Variants in IQCM observed in about 807,000 individuals in gnomAD.
The protein encoded by IQCM is IQ motif containing M, also known as IQ domain-containing protein M.
IQCM carries 45 observed loss-of-function variants against 57.6 expected under a neutral mutation model. The observed-to-expected ratio is 0.78, with a 90% confidence interval of 0.62 to 1.00. The LOEUF (loss-of-function observed/expected upper bound fraction) is 1.00. Ranked by LOEUF, IQCM falls within the 50% of genes least tolerant of loss-of-function variation. The probability of loss-of-function intolerance (pLI) is 0.00; values close to 1 mark genes in which losing one functional copy is unlikely to be tolerated. For synonymous variants in IQCM, 148 were observed against 158.9 expected (o/e 0.93, Z 0.51); for missense variants, 468 against 511.6 (o/e 0.91, Z 0.82).
chr4:149,556,307 T>C (rs2149916640), intron 10 of IQCM, among the ~76,000 whole-genome samples: 1 of 152,230 alleles, frequency 6.6e-6, no homozygotes, highest in East Asian at 1.9e-4. Context: ...TGTCTTTTTT[T>C]TTTTTCTTAA....
intron 5 of IQCM, among the ~76,000 whole-genome samples, chr4:149,718,774 T>G (rs1765205352): frequency 6.6e-6 from 1 of 152,190 alleles, no homozygotes; most frequent in Admixed American, 6.5e-5. Flanking sequence ...ACATGAATCC[T>G]GCCTCCATGG....
intron 2 of IQCM, among the ~76,000 whole-genome samples, chr4:149,774,435 A>C (rs983754974): frequency 6.6e-6 from 1 of 152,138 alleles, no homozygotes; most frequent in African/African-American, 2.4e-5. Flanking sequence ...AACAATATTC[A>C]CATGTTCCTC....
chr4:149,452,471 T>C (rs182872857), intron 12 of IQCM, among the ~76,000 whole-genome samples: 20 of 151,550 alleles, frequency 1.3e-4, no homozygotes, highest in Middle Eastern at 3.4e-3. Context: ...CAATATGATA[T>C]TCATGTAAAG....
chr4:149,395,224 G>A (rs571196825), intron 13 of IQCM, among the ~76,000 whole-genome samples: 1 of 152,176 alleles, frequency 6.6e-6, no homozygotes, highest in South Asian at 2.1e-4. Flanking sequence ...CAACTAGGAA[G>A]AAAATCCTAT....
At chr4:149,378,257 G>C (rs1021096332) in intron 13 of IQCM, among the ~76,000 whole-genome samples, 1 of 152,136 alleles carries the variant, frequency 6.6e-6, no homozygotes, top group Admixed American at 6.6e-5. Context: ...GTGGGGAGCT[G>C]CTGAAAAGAT....
intron 13 of IQCM, among the ~76,000 whole-genome samples, chr4:149,406,981 G>C (rs916153713): frequency 6.6e-6 from 1 of 150,416 alleles, no homozygotes; most frequent in African/African-American, 2.5e-5. Context: ...TGAGAGCCAA[G>C]TGAAGGCTGG....
chr4:149,528,370 T>C (rs569780037), intron 12 of IQCM, among the ~76,000 whole-genome samples: 1 of 152,068 alleles, frequency 6.6e-6, no homozygotes, highest in South Asian at 2.1e-4. Context: ...TAACATTTTG[T>C]CAATCATCAC....
chr4:149,648,422 C>T (rs1323167337), intron 7 of IQCM, among the ~76,000 whole-genome samples: 6 of 152,194 alleles, frequency 3.9e-5, no homozygotes, highest in African/African-American at 7.2e-5. Context: ...ATATGTGCCA[C>T]ATTTTCTTAA....
intron 7 of IQCM, among the ~76,000 whole-genome samples, chr4:149,622,267 CA>C (rs1430036281): frequency 4.6e-5 from 7 of 151,602 alleles, no homozygotes; most frequent in Non-Finnish European, 8.8e-5. Context: ...TGCACTCTTT[CA>C]AAAAGGCAAA....
chr4:149,629,364 T>C (rs913827562), intron 7 of IQCM, among the ~76,000 whole-genome samples: 1 of 152,176 alleles, frequency 6.6e-6, no homozygotes, highest in African/African-American at 2.4e-5. Flanking sequence ...TTGCAAAGAC[T>C]AAACATTTTA....
At chr4:149,406,297 T>C (rs1188244185) in intron 13 of IQCM, among the ~76,000 whole-genome samples, 1 of 152,060 alleles carries the variant, frequency 6.6e-6, no homozygotes, top group African/African-American at 2.4e-5. Context: ...TAGGGTATAG[T>C]AGTGAGCCCA....
At chr4:149,608,329 A>G (rs1370789266) in intron 8 of IQCM, among the ~76,000 whole-genome samples, 1 of 151,864 alleles carries the variant, frequency 6.6e-6, no homozygotes, top group African/African-American at 2.4e-5. Flanking sequence ...GTACATCAAC[A>G]CTCCACTTTC....
chr4:149,798,125 A>G (rs1054835782), intron 2 of IQCM, among the ~76,000 whole-genome samples: 3 of 151,822 alleles, frequency 2.0e-5, no homozygotes, highest in Non-Finnish European at 4.4e-5. Flanking sequence ...AATAATAACT[A>G]CAACAACTTT....
chr4:149,351,805 T>C lies in IQCM; in HGVS notation c.*146A>G. The C allele has an allele frequency of 2.6e-6, 1 of 382,234 alleles. No homozygotes were observed. Among genetic ancestry groups the C allele is most frequent in the East Asian group, 3.6e-5 (1 of 27,514 alleles). 23.7% of individuals were successfully genotyped at this position (382,234 alleles called of 1,614,324 possible). ...GTGTTCATCCAAAAATACTAGAAAT[T>C]ATAGATAAACTTGTCAAAGTTCTTT... On this transcript the variant is annotated 3_prime_UTR_variant, in exon 14 of 14. Transcript: ENST00000636793.
intron 13 of IQCM, among the ~76,000 whole-genome samples, chr4:149,432,742 A>G (rs1734991337): frequency 6.6e-6 from 1 of 152,034 alleles, no homozygotes; most frequent in Non-Finnish European, 1.5e-5. Flanking sequence ...TATAGGTTAA[A>G]TTATTTGTAT....
At chr4:149,593,551 G>A (rs1175524011) in intron 8 of IQCM, among the ~76,000 whole-genome samples, 2 of 152,100 alleles carry the variant, frequency 1.3e-5, no homozygotes, top group East Asian at 3.9e-4. Context: ...CAAAGGGAAT[G>A]CTTCCAGTTT....
intron 2 of IQCM, among the ~76,000 whole-genome samples, chr4:149,784,739 A>G (rs1414253256): frequency 6.6e-6 from 1 of 152,036 alleles, no homozygotes; most frequent in Non-Finnish European, 1.5e-5. Context: ...CTTATCCCCA[A>G]CCAATATGCA....
At chr4:149,414,660 T>G (rs1232944581) in intron 13 of IQCM, among the ~76,000 whole-genome samples, 1 of 152,086 alleles carries the variant, frequency 6.6e-6, no homozygotes, top group Non-Finnish European at 1.5e-5. Flanking sequence ...TATAGATATT[T>G]TTCAATTATA....
At chr4:149,370,562 C>G (rs10005936) in intron 13 of IQCM, among the ~76,000 whole-genome samples, 75,635 of 145,380 alleles carry the variant, frequency 0.52, 18,910 homozygotes, top group Admixed American at 0.57. Flanking sequence ...TATACACACT[C>G]TATACACACA....
Sources: gnomAD v4.1 joint callset for allele counts (sites outside exome capture counted in the v4.1 genomes callset) on GRCh38, gnomAD v4.1.1 for gene constraint, MANE v1.5 for transcripts, NCBI Gene and HGNC (gene_info 2026-07-23, HGNC 2026-07-21) for gene names.